Variants in GLMN observed in about 807,000 individuals in gnomAD.
The protein encoded by GLMN is glomulin.
Under a neutral mutation model 87.8 loss-of-function variants are expected in GLMN, and 75 were observed. The ratio of observed to expected loss-of-function variants is 0.85; its 90% confidence interval spans 0.71 to 1.04. GLMN has a LOEUF of 1.04. GLMN is among the 50% of genes least tolerant of loss of function. GLMN has a pLI of 0.00. For missense variants in GLMN, 588 were observed against 658.8 expected (o/e 0.89, Z 1.18); for synonymous variants, 206 against 221.6 (o/e 0.93, Z 0.63).
chr1:92,294,285 A>C (rs1028138532), intron 3 of GLMN, among the ~76,000 whole-genome samples: 2 of 152,152 alleles, frequency 1.3e-5, no homozygotes, highest in African/African-American at 4.8e-5. Flanking sequence ...TCTAGGAAGA[A>C]GACAAAATGA....
chr1:92,360,694 C>A, the GLMN span, among the ~76,000 whole-genome samples: 1 of 152,156 alleles, frequency 6.6e-6, no homozygotes, highest in Admixed American at 6.5e-5. Flanking sequence ...ATTTCTCTCT[C>A]CTTGCCTTAA....
chr1:92,339,314 A>AC, the GLMN span, among the ~76,000 whole-genome samples: 29 of 75,500 alleles, frequency 3.8e-4, no homozygotes, highest in African/African-American at 6.0e-4. Flanking sequence ...GTCCTACCCC[A>AC]CCCCCGCCCC....
At chr1:92,354,119 C>T in the GLMN span, among the ~76,000 whole-genome samples, 2 of 152,124 alleles carry the variant, frequency 1.3e-5, no homozygotes, top group African/African-American at 2.4e-5. Flanking sequence ...GCAGTTGGCC[C>T]TTGCAAATCA....
the GLMN span, among the ~76,000 whole-genome samples, chr1:92,333,912 T>G: frequency 6.6e-6 from 1 of 152,372 alleles, no homozygotes; most frequent in South Asian, 2.1e-4. Context: ...CTCAGCAACA[T>G]GAGTTTTTGT....
At chr1:92,322,140 T>C in the GLMN span, among the ~76,000 whole-genome samples, 1 of 151,492 alleles carries the variant, frequency 6.6e-6, no homozygotes, top group Non-Finnish European at 1.5e-5. Flanking sequence ...GAGACAGGGT[T>C]TCACTATGTT....
At chr1:92,350,635 G>A in the GLMN span, among the ~76,000 whole-genome samples, 2 of 152,154 alleles carry the variant, frequency 1.3e-5, no homozygotes, top group South Asian at 2.1e-4. Context: ...ATGTATATAA[G>A]TATATATAGA....
intron 3 of GLMN, among the ~76,000 whole-genome samples, chr1:92,294,738 G>C (rs980383734): frequency 3.3e-5 from 5 of 152,050 alleles, no homozygotes; most frequent in Non-Finnish European, 1.5e-5. Flanking sequence ...GAGTGCAGTG[G>C]TACGATCTTG....
At chr1:92,299,003 T>C (rs914877342), upstream of GLMN, 10 of 749,668 alleles carry the variant, frequency 1.3e-5, no homozygotes, top group Non-Finnish European at 1.9e-5. Context: ...CGCCCCGCGC[T>C]ACGCGTAGGG....
chr1:92,259,874 T>C (rs535602881), intron 16 of GLMN, among the ~76,000 whole-genome samples: 15 of 151,458 alleles, frequency 9.9e-5, no homozygotes, highest in East Asian at 9.8e-4. Flanking sequence ...GCTGGAACTA[T>C]AGGCACCCGC....
intron 16 of GLMN, among the ~76,000 whole-genome samples, chr1:92,251,404 G>T (rs1013451646): frequency 4.0e-5 from 6 of 150,408 alleles, no homozygotes; most frequent in Non-Finnish European, 7.4e-5. Flanking sequence ...CAAAATAAAA[G>T]AAAAAAAAAT....
chr1:92,304,417 A>G, the GLMN span: 3 of 791,896 alleles, frequency 3.8e-6, no homozygotes, highest in African/African-American at 3.6e-5. Flanking sequence ...CTAACAAGGC[A>G]TGGCAATTAA....
chr1:92,307,309 C>A, the GLMN span: 2 of 1,371,874 alleles, frequency 1.5e-6, no homozygotes, highest in South Asian at 1.3e-5. Context: ...TACATTTGTT[C>A]ATATATTCTA....
chr1:92,280,030 C>G (rs779202221), intron 7 of GLMN, among the ~76,000 whole-genome samples: 1 of 152,242 alleles, frequency 6.6e-6, no homozygotes, highest in Non-Finnish European at 1.5e-5. Context: ...CCTCTGGGGA[C>G]GGCACAGTAG....
At chr1:92,305,575 G>A in the GLMN span, among the ~76,000 whole-genome samples, 1 of 150,640 alleles carries the variant, frequency 6.6e-6, no homozygotes, top group Admixed American at 6.6e-5. Context: ...TTGTTCATCA[G>A]AAGTTTCAAA....
the GLMN span, chr1:92,363,909 A>C: frequency 6.1e-6 from 1 of 164,730 alleles, no homozygotes. Flanking sequence ...AATATGTGTT[A>C]ATCGACTGCT....
chr1:92,335,462 T>G, the GLMN span, among the ~76,000 whole-genome samples: 1 of 152,040 alleles, frequency 6.6e-6, no homozygotes, highest in Non-Finnish European at 1.5e-5. Flanking sequence ...GAAGTAAAAA[T>G]TACCTGTAAT....
At chr1:92,265,612 C>T in intron 13 of GLMN, among the ~76,000 whole-genome samples, 1 of 152,064 alleles carries the variant, frequency 6.6e-6, no homozygotes, top group Admixed American at 6.5e-5. Flanking sequence ...CCCATCTCCA[C>T]AAAAAAATTA....
intron 4 of GLMN, 122 bp downstream of exon 4, chr1:92,291,296 G>A (rs1649372787): frequency 1.9e-5 from 16 of 860,746 alleles, no homozygotes; most frequent in Non-Finnish European, 2.9e-5. Flanking sequence ...TTTCTCCAAC[G>A]AGTTCCTTTC....
intron 16 of GLMN, among the ~76,000 whole-genome samples, chr1:92,256,692 T>C (rs1654307933): frequency 6.6e-6 from 1 of 152,082 alleles, no homozygotes; most frequent in African/African-American, 2.4e-5. Flanking sequence ...AGGCCTTGGA[T>C]AAAATTCAAC....
Sources: gnomAD v4.1 joint callset for allele counts (sites outside exome capture counted in the v4.1 genomes callset) on GRCh38, gnomAD v4.1.1 for gene constraint, MANE v1.5 for transcripts, NCBI Gene and HGNC (gene_info 2026-07-23, HGNC 2026-07-21) for gene names.